Variants in RAD17 observed in about 807,000 individuals in gnomAD.
RAD17 encodes the protein cell cycle checkpoint protein RAD17.
RAD17 carries 31 observed loss-of-function variants against 81.5 expected under a neutral mutation model. That is an observed-to-expected ratio of 0.38 (90% CI 0.29 to 0.51). The LOEUF is 0.51. Ranked by LOEUF, RAD17 falls within the 20% of genes least tolerant of loss-of-function variation. The probability of loss-of-function intolerance (pLI) is 0.88; values close to 1 mark genes in which losing one functional copy is unlikely to be tolerated. For missense variants in RAD17, 681 were observed against 781.2 expected (o/e 0.87, Z 1.53); for synonymous variants, 261 against 266.2 (o/e 0.98, Z 0.19).
In RAD17 at chr5:69,414,499, G is replaced by A. The variant is rs1319871490; in HGVS notation, c.*207G>A. The A allele has an allele frequency of 6.1e-6, 4 of 658,332 alleles. No individual in the cohort carries two copies. Among genetic ancestry groups the A allele is most frequent in the Admixed American group, 6.2e-5 (2 of 32,078 alleles). 40.8% of individuals were successfully genotyped at this position (658,332 alleles called of 1,614,324 possible). A position where few individuals can be genotyped will look rare whatever the true frequency, so the allele number is the denominator to read the frequency against. On this transcript the variant is annotated 3_prime_UTR_variant, in exon 19 of 19. Coordinates refer to ENST00000354868, the MANE Select transcript of RAD17 (RefSeq NM_133338.3). ...AGCCTTCAAATCTCTTAATTTTTTC[G>A]GTATTTATTAAATCTGTGAGTGGTT... is the stretch of plus-strand genomic sequence containing the variant.
chr5:69,404,619 A>AT (rs1193056771), intron 17 of RAD17, among the ~76,000 whole-genome samples: 1 of 152,060 alleles, frequency 6.6e-6, no homozygotes, highest in Non-Finnish European at 1.5e-5. Context: ...AATACAAAAA[A>AT]TTAGCTGGGT....
chr5:69,405,011 A>G (rs923211828), intron 17 of RAD17, among the ~76,000 whole-genome samples: 12 of 152,218 alleles, frequency 7.9e-5, no homozygotes, highest in African/African-American at 2.9e-4. Flanking sequence ...ACTGCTTAAC[A>G]TTAAGGCTTA....
intron 6 of RAD17, among the ~76,000 whole-genome samples, chr5:69,378,089 C>T (rs1054892487): frequency 6.6e-6 from 1 of 152,154 alleles, no homozygotes; most frequent in Non-Finnish European, 1.5e-5. Flanking sequence ...TGAGCCACAC[C>T]ATGCCTGGCC....
At chr5:69,413,747 C>CT (rs1468535723) in intron 18 of RAD17, among the ~76,000 whole-genome samples, 2 of 152,186 alleles carry the variant, frequency 1.3e-5, no homozygotes, top group African/African-American at 4.8e-5. Flanking sequence ...GTTGGCCAGG[C>CT]TGGTCTTGAA....
intron 4 of RAD17, among the ~76,000 whole-genome samples, 199 bp from the exon 5 acceptor site, chr5:69,373,631 G>A (rs1351164768): frequency 1.3e-5 from 2 of 148,610 alleles, no homozygotes; most frequent in Non-Finnish European, 3.0e-5. Context: ...CTTGAGCTGA[G>A]ATTATACCAC....
intron 5 of RAD17, 140 bp from the exon 6 acceptor site, chr5:69,374,488 T>C: frequency 1.8e-6 from 1 of 561,048 alleles, no homozygotes; most frequent in Non-Finnish European, 3.1e-6. Flanking sequence ...TCAAGTATAA[T>C]CAAAAGGATC....
intron 15 of RAD17, among the ~76,000 whole-genome samples, chr5:69,395,014 TGCACTCCAGCCTGGGCAATAGA>T (rs1764796833): frequency 6.6e-6 from 1 of 152,078 alleles, no homozygotes; most frequent in Admixed American, 6.6e-5. Flanking sequence ...ATCACACCAC[TGCACTCCAGCCTGGGCAATAGA>T]GCTGGACCTT....
chr5:69,405,260 C>CT (rs1765519694), intron 17 of RAD17, among the ~76,000 whole-genome samples: 1 of 151,068 alleles, frequency 6.6e-6, no homozygotes, highest in Non-Finnish European at 1.5e-5. Flanking sequence ...TCCCAGCACT[C>CT]TGGGAGGCTG....
At chr5:69,379,999 G>C (rs1763747658) in intron 6 of RAD17, among the ~76,000 whole-genome samples, 1 of 151,726 alleles carries the variant, frequency 6.6e-6, no homozygotes, top group Non-Finnish European at 1.5e-5. Flanking sequence ...TCTTGCCTCA[G>C]CCTCCTGAGT....
chr5:69,392,029 A>T lies in RAD17; in HGVS notation c.1189+16A>T. The T allele has an allele frequency of 1.3e-6, 2 of 1,489,264 alleles. No homozygotes were observed. Among genetic ancestry groups the T allele is most frequent in the Non-Finnish European group, 1.8e-6 (2 of 1,115,806 alleles). 92.3% of individuals were successfully genotyped at this position (1,489,264 alleles called of 1,614,324 possible). On this transcript the variant is annotated intron_variant, in intron 13 of 18. Coordinates refer to ENST00000354868, the MANE Select transcript of RAD17 (RefSeq NM_133338.3). ...TATTGTAAAAGTAAGAAATTTTTAC[A>T]CTTTTAAAATCTGTTGGATATCACA... is the stretch of plus-strand genomic sequence containing the variant.
chr5:69,392,259 T>C (rs578224429), intron 13 of RAD17, among the ~76,000 whole-genome samples: 3 of 152,186 alleles, frequency 2.0e-5, no homozygotes, highest in Non-Finnish European at 4.4e-5. Flanking sequence ...TTTAAAATTA[T>C]AGTTTGCTGA....
intron 17 of RAD17, among the ~76,000 whole-genome samples, chr5:69,403,406 TAAA>T (rs1184205160): frequency 6.6e-6 from 1 of 151,994 alleles, no homozygotes; most frequent in Non-Finnish European, 1.5e-5. Flanking sequence ...GAAGTGATCT[TAAA>T]AAAAATTGGC....
At chr5:69,396,119 A>G (rs1255518170) in intron 15 of RAD17, among the ~76,000 whole-genome samples, 1 of 152,136 alleles carries the variant, frequency 6.6e-6, no homozygotes, top group Non-Finnish European at 1.5e-5. Flanking sequence ...TATTGTCCCT[A>G]TTCAGATTTC....
chr5:69,384,756 T>C (rs1384608393), intron 7 of RAD17, 41 bp from the exon 8 acceptor site: 3 of 1,545,234 alleles, frequency 1.9e-6, no homozygotes, highest in Admixed American at 3.6e-5. Context: ...TTAATGTATA[T>C]CATTTGTTGA....
intron 18 of RAD17, among the ~76,000 whole-genome samples, chr5:69,412,308 T>C (rs1379693118): frequency 6.6e-6 from 1 of 152,186 alleles, no homozygotes; most frequent in Non-Finnish European, 1.5e-5. Context: ...TACTATCTTT[T>C]ATTTATGTTG....
chr5:69,380,933 T>G (rs1030486388), intron 6 of RAD17, among the ~76,000 whole-genome samples: 1 of 151,788 alleles, frequency 6.6e-6, no homozygotes, highest in Non-Finnish European at 1.5e-5. Context: ...GCCCAGCTAA[T>G]TTTTTGTATT....
chr5:69,410,965 C>CAATATATATATATA (rs1554044687), intron 18 of RAD17, among the ~76,000 whole-genome samples: 2 of 90,264 alleles, frequency 2.2e-5, no homozygotes, highest in African/African-American at 9.9e-5. Context: ...AGATGTCTGT[C>CAATATATATATATA]TATATATATA....
At chr5:69,407,852 T>C (rs942479040) in intron 17 of RAD17, among the ~76,000 whole-genome samples, 2 of 152,188 alleles carry the variant, frequency 1.3e-5, no homozygotes, top group Non-Finnish European at 2.9e-5. Flanking sequence ...ACGCCTGGCC[T>C]ATGTCCAAGT....
rs1561240619 is a variant in RAD17, at chr5:69,377,680, T to TATATATATGTATGCATATATGTATGC, written c.351+2977_351+2978insGTATGCATATATGTATGCATATATAT. On this transcript the variant is annotated intron_variant, in intron 6 of 18. Coordinates refer to ENST00000354868, the MANE Select transcript of RAD17 (RefSeq NM_133338.3). ...ATATATGTATACATATATATATGCATATATATATATGTATACATATATATA... is the reference window on the plus strand; with the variant it reads ...ATATATGTATACATATATATATGCATATATATATGTATGCATATATGTATGCATATATATATGTATACATATATATA... Among the ~76,000 whole-genome samples, 3 of 4,888 alleles carry TATATATATGTATGCATATATGTATGC rather than the reference T, an allele frequency of 6.1e-4. 1 individual carries two copies. Among genetic ancestry groups the TATATATATGTATGCATATATGTATGC allele is most frequent in the Admixed American group, 7.4e-3 (2 of 272 alleles). The allele number at this position is 4,888 out of a possible 152,430, so 3.2% of individuals were successfully genotyped here. A position where few individuals can be genotyped will look rare whatever the true frequency, so the allele number is the denominator to read the frequency against.
Sources: gnomAD v4.1 joint callset for allele counts (sites outside exome capture counted in the v4.1 genomes callset) on GRCh38, gnomAD v4.1.1 for gene constraint, MANE v1.5 for transcripts, NCBI Gene and HGNC (gene_info 2026-07-23, HGNC 2026-07-21) for gene names.